FGB: variants seen among roughly 807,000 people sequenced by gnomAD.
FGB encodes the protein beta-fibrinogen.
A neutral mutation model predicts 57.9 loss-of-function variants in FGB; 25 were observed. The observed-to-expected ratio is 0.43, with a 90% CI of 0.31 to 0.60. The LOEUF (loss-of-function observed/expected upper bound fraction) is 0.60. FGB is among the 20% of genes least tolerant of loss of function. The pLI is 0.08. For missense variants in FGB, 536 were observed against 598.4 expected (o/e 0.90, Z 1.09); for synonymous variants, 203 against 199.2 (o/e 1.02, Z -0.16).
rs1201958319 is a variant in FGB at position 154,572,312 on chromosome 4, C to T, written c.*1662C>T. 6.6e-6 allele frequency among the ~76,000 whole-genome samples: 1 copy of T among 152,100 alleles called. No individual in the cohort carries two copies. The highest frequency in any genetic ancestry group is 1.5e-5 in the Non-Finnish European group (1 of 68,022). On this transcript the variant is annotated 3_prime_UTR_variant, in exon 8 of 8. Coordinates refer to ENST00000302068, the MANE Select transcript of FGB (RefSeq NM_005141.5). Reference sequence around the variant, plus strand: ...CATGCTGGAGCCCTATTGATTCCAACAGGGATGGCGCCTTGTCCAAGAAGA... The same window carrying T: ...CATGCTGGAGCCCTATTGATTCCAATAGGGATGGCGCCTTGTCCAAGAAGA...
chr4:154,568,017 G>A (rs192599923), intron 4 of FGB, among the ~76,000 whole-genome samples, 197 bp downstream of exon 4: 1 of 152,334 alleles, frequency 6.6e-6, no homozygotes, highest in Non-Finnish European at 1.5e-5. Context: ...TGATGAGCAG[G>A]ATGGGGCACA....
At position 154,569,312 on chromosome 4, in the gene FGB, C is replaced by G; in HGVS notation, c.958+5C>G. ...AGAATTACTGTGGCCTACCAGGTAA[C>G]GAACAGGCATGCAAAATAAAATCAT... On this transcript the variant is annotated splice_donor_5th_base_variant and intron_variant, in intron 6 of 7. Coordinates refer to ENST00000302068, the MANE Select transcript of FGB (RefSeq NM_005141.5). 1 of 1,613,678 alleles carries G rather than the reference C, an allele frequency of 6.2e-7. No individual in the cohort carries two copies. The highest frequency in any genetic ancestry group is 8.5e-7 in the Non-Finnish European group (1 of 1,179,884).
At position 154,571,071 on chromosome 4, in the gene FGB, G is replaced by T; in HGVS notation, c.*421G>T. On this transcript the variant is annotated 3_prime_UTR_variant, in exon 8 of 8. Transcript: ENST00000302068. ...CCAAAAAGATTTATTAATTAAACCA[G>T]ACTCTGTTGCAATAAGTTAATGTTT... The T allele has an allele frequency of 7.1e-6, 2 of 281,708 alleles. No individual in the cohort carries two copies. Among genetic ancestry groups the T allele is most frequent in the Non-Finnish European group, 6.8e-6 (1 of 146,670 alleles). 17.5% of individuals were successfully genotyped at this position (281,708 alleles called of 1,614,324 possible).
At chr4:154,567,197 C>T (rs1466776564) in intron 3 of FGB, among the ~76,000 whole-genome samples, 1 of 152,124 alleles carries the variant, frequency 6.6e-6, no homozygotes, top group African/African-American at 2.4e-5. Context: ...ATCATGACAT[C>T]TTATAAATTT....
rs932950648 is a variant in FGB at position 154,569,178 on chromosome 4, A to G, written c.833-4A>G. The G allele has an allele frequency of 2.5e-6, 4 of 1,614,132 alleles. No individual in the cohort carries two copies. The highest frequency in any genetic ancestry group is 3.4e-6 in the Non-Finnish European group (4 of 1,179,986). ...TATGCTCTTTTTGTTTCTGTCAACC[A>G]AAGGATGGACAGTGATTCAGAACCG... On this transcript the variant is annotated splice_polypyrimidine_tract_variant and splice_region_variant and intron_variant, in intron 5 of 7. Transcript: ENST00000302068.
At chr4:154,566,722 C>T (rs931648098) in intron 3 of FGB, 50 bp downstream of exon 3, 4 of 1,509,364 alleles carry the variant, frequency 2.7e-6, no homozygotes, top group Non-Finnish European at 3.7e-6. Context: ...AAATTGGAAC[C>T]GTTAGACTGC....
intron 4 of FGB, 48 bp from the exon 5 acceptor site, chr4:154,568,333 G>C: frequency 1.0e-6 from 1 of 970,808 alleles, no homozygotes; most frequent in Non-Finnish European, 1.7e-6. Context: ...TAAATACAAA[G>C]TAATTATGTC....
rs202094089 is a variant in FGB, at chr4:154,563,488, T to C, written c.114+356T>C. Among the ~76,000 whole-genome samples the C allele has an allele frequency of 3.9e-5, 6 of 151,908 alleles. No homozygotes were observed. The East Asian group carries it at 1.2e-3, about 29-fold the overall frequency. On this transcript the variant is annotated intron_variant, in intron 1 of 7. Coordinates refer to ENST00000302068, the MANE Select transcript of FGB (RefSeq NM_005141.5). ...TCTGAAAATCTCACAAACTATAAAA[T>C]AATAAAAGAGCAGAATTTTAAGATA...
chr4:154,567,606 A>G lies in FGB; in HGVS notation c.504A>G (p.Val168=). Residue 168 remains valine, a synonymous_variant, in exon 4 of 8, where the codon GTA becomes GTG. Transcript: ENST00000302068. ...TCATTTTTCCAGATAATGAAAATGT[A>G]GTCAATGAGTACTCCTCAGAACTGG... ...RQKQVKDNEN[V]VNEYSSELEK... is the part of the protein sequence containing the mutation. 6.3e-7 allele frequency: 1 copy of G among 1,593,916 alleles called. No homozygotes were observed. The highest frequency in any genetic ancestry group is 8.6e-7 in the Non-Finnish European group (1 of 1,161,624).
rs773980520 is a variant in FGB, at chr4:154,569,817, T to G, written c.1244+18T>G. The G allele has an allele frequency of 6.2e-7, 1 of 1,613,780 alleles. No homozygotes were observed. Among genetic ancestry groups the G allele is most frequent in the African/African-American group, 1.3e-5 (1 of 74,918 alleles). On this transcript the variant is annotated intron_variant, in intron 7 of 7. Transcript: ENST00000302068. ...GACGGCTGGTATGTGTGGCACTCTT[T>G]GCTCCTGCTTTAAAAATCACACTAA...
intron 4 of FGB, 86 bp from the exon 5 acceptor site, chr4:154,568,295 T>C: frequency 1.3e-6 from 1 of 784,968 alleles, no homozygotes; most frequent in Non-Finnish European, 2.3e-6. Flanking sequence ...TAGTAACTTA[T>C]GTAATGTTAT....
At position 154,568,655 on chromosome 4, in the gene FGB, G is replaced by A. The variant is rs186966722; in HGVS notation, c.832+161G>A. On this transcript the variant is annotated intron_variant, in intron 5 of 7. Coordinates refer to ENST00000302068, the MANE Select transcript of FGB (RefSeq NM_005141.5). ...GAGCCTAGGAGTTTGAAACTAGCCT[G>A]GGCAACATAATGAGACCCTAACTCT... Among the ~76,000 whole-genome samples, 13 of 148,832 alleles carry A rather than the reference G, an allele frequency of 8.7e-5. No individual in the cohort carries two copies. In the East Asian group the frequency reaches 2.2e-3, roughly 25 times the overall value.
intron 1 of FGB, chr4:154,565,413 G>A (rs1455564284): frequency 1.4e-5 from 4 of 278,760 alleles, no homozygotes; most frequent in South Asian, 7.6e-5. Context: ...AATGAAAGTA[G>A]GGAAATGATT....
chr4:154,564,826 C>A (rs923532350), intron 1 of FGB, among the ~76,000 whole-genome samples: 91 of 151,834 alleles, frequency 6.0e-4, no homozygotes, highest in African/African-American at 2.1e-3. Context: ...GTATTTTCTG[C>A]TTCATTATCC....
chr4:154,570,505 G>T lies in FGB; in HGVS notation c.1331G>T (p.Gly444Val). The part of the protein sequence containing the change: ...YNRCHAANPN[G>V]RYYWGGQYTW... ...AGATGTCATGCAGCCAATCCAAACG[G>T]CAGATACTACTGGGGTGGACAGTAC... is the stretch of plus-strand genomic sequence containing the variant. Residue 444 changes from glycine (G) to valine (V), a missense_variant, in exon 8 of 8, where the codon GGC (glycine) becomes GTC (valine). Gly to Val is a moderately radical substitution (Grantham distance 109). This residue lies in a region of FGB where 177 missense variants were observed against 193.7 expected (regional missense o/e 0.91). Transcript: ENST00000302068. 1 of 1,614,122 alleles carries T rather than the reference G, an allele frequency of 6.2e-7. No individual in the cohort carries two copies. Among genetic ancestry groups the T allele is most frequent in the Non-Finnish European group, 8.5e-7 (1 of 1,180,012 alleles).
rs1426149447 is a variant in FGB at position 154,565,821 on chromosome 4, C to T, written c.128C>T (p.Ala43Val). 1.9e-6 allele frequency: 3 copies of T among 1,614,138 alleles called. No individual in the cohort carries two copies. In the East Asian group the frequency reaches 6.7e-5, roughly 36 times the overall value. Residue 43 changes from alanine to valine, a missense_variant, in exon 2 of 8, where the codon GCC (alanine) becomes GTC (valine). Transcript: ENST00000302068. ...VNDNEEGFFS[A>V]RGHRPLDKKR... ...CATTCCTTGTAGGGTTTCTTCAGTG[C>T]CCGTGGTCATCGACCCCTTGACAAG...
rs376861907 is a variant in FGB at position 154,570,660 on chromosome 4, C to A, written c.*10C>A. The A allele has an allele frequency of 1.9e-6, 3 of 1,602,160 alleles. No individual in the cohort carries two copies. In the Admixed American group the frequency reaches 5.0e-5, roughly 27 times the overall value. On this transcript the variant is annotated 3_prime_UTR_variant, in exon 8 of 8. Coordinates refer to ENST00000302068, the MANE Select transcript of FGB (RefSeq NM_005141.5). ...CTTCCCACAGCAATAGTCCCCAATA[C>A]GTAGATTTTTGCTCTTCTGTATGTG...
chr4:154,569,087 C>A (rs907643103), intron 5 of FGB, 95 bp from the exon 6 acceptor site: 26 of 1,340,362 alleles, frequency 1.9e-5, no homozygotes, highest in Non-Finnish European at 2.5e-5. Flanking sequence ...CAAATATATA[C>A]TAAATGGAAT....
rs939973701 is a variant in FGB, at chr4:154,567,883, GAAC to G, written c.718+78_718+80del. The G allele has an allele frequency of 1.9e-4, 214 of 1,138,360 alleles. 2 individuals are homozygous for G. The East Asian group carries it at 2.6e-3, about 14-fold the overall frequency. The allele number at this position is 1,138,360 out of a possible 1,614,324, so 70.5% of individuals were successfully genotyped here. On this transcript the variant is annotated intron_variant, in intron 4 of 7. Transcript: ENST00000302068. ...AAGAACTCACACACCAAAAATAAGAGAACAACAACAACAACAAAAATGCTAAGT... is the reference window on the plus strand; with the variant it reads ...AAGAACTCACACACCAAAAATAAGAGAACAACAACAACAAAAATGCTAAGT...
Sources: allele counts gnomAD v4.1 joint callset (sites outside exome capture counted in the v4.1 genomes callset), GRCh38; gene constraint gnomAD v4.1.1; regional missense constraint gnomAD v4.1.1; transcripts MANE v1.5; gene names NCBI Gene and HGNC (gene_info 2026-07-23, HGNC 2026-07-21).